YWHAE: variants seen among roughly 807,000 people sequenced by gnomAD.
YWHAE encodes the protein 14-3-3 protein epsilon.
Under a neutral mutation model 30.1 loss-of-function variants are expected in YWHAE, and 4 were observed. The ratio of observed to expected loss-of-function variants is 0.13; its 90% CI spans 0.07 to 0.30. YWHAE has a LOEUF of 0.30. Among genes scored for constraint, YWHAE ranks in the 10% least tolerant of loss-of-function variants. The probability of loss-of-function intolerance (pLI) is 1.00; values close to 1 mark genes in which losing one functional copy is unlikely to be tolerated. For missense variants in YWHAE, 121 were observed against 315.9 expected (o/e 0.38, Z 4.68); for synonymous variants, 118 against 111.8 (o/e 1.06, Z -0.35).
chr17:1,351,670 C>T (rs1403032741), intron 5 of YWHAE, among the ~76,000 whole-genome samples: 1 of 152,110 alleles, frequency 6.6e-6, no homozygotes, highest in African/African-American at 2.4e-5. Context: ...CTCGTTCAGT[C>T]ATCCAGGTTA....
At chr17:1,357,727 A>G (rs2150845881) in intron 4 of YWHAE, among the ~76,000 whole-genome samples, 1 of 152,008 alleles carries the variant, frequency 6.6e-6, no homozygotes, top group East Asian at 1.9e-4. Flanking sequence ...GGTGTCCAAG[A>G]CCAGCCTGGC....
At chr17:1,385,144 C>CAAAAA (rs56023639) in intron 1 of YWHAE, among the ~76,000 whole-genome samples, 1 of 86,808 alleles carries the variant, frequency 1.2e-5, no homozygotes, top group Admixed American at 1.4e-4. Context: ...GACTCTGTCT[C>CAAAAA]AAAAAAAAAA....
chr17:1,355,116 T>TAAA (rs869230957), intron 4 of YWHAE, among the ~76,000 whole-genome samples: 8 of 17,172 alleles, frequency 4.7e-4, no homozygotes, highest in East Asian at 1.4e-3. Context: ...CAAGATTTTT[T>TAAA]AAAAAAAAAA....
intron 1 of YWHAE, among the ~76,000 whole-genome samples, chr17:1,394,998 AC>A (rs1261263079): frequency 1.3e-5 from 2 of 151,792 alleles, no homozygotes; most frequent in African/African-American, 4.8e-5. Context: ...TGCAGCCTTT[AC>A]TCCATGCTTG....
intron 4 of YWHAE, among the ~76,000 whole-genome samples, chr17:1,356,216 A>ACACACACACACAC (rs1567959079): frequency 3.6e-5 from 5 of 138,580 alleles, no homozygotes; most frequent in Non-Finnish European, 7.7e-5. Flanking sequence ...ACACACACAC[A>ACACACACACACAC]AAATTAGCCG....
chr17:1,372,411 A>G (rs1048256274), intron 1 of YWHAE, among the ~76,000 whole-genome samples: 2 of 152,288 alleles, frequency 1.3e-5, no homozygotes, highest in Middle Eastern at 3.4e-3. Context: ...GCACTTTTTA[A>G]TCTCCTTGAA....
chr17:1,383,476 C>T (rs572796652), intron 1 of YWHAE, among the ~76,000 whole-genome samples: 1 of 150,488 alleles, frequency 6.6e-6, no homozygotes, highest in African/African-American at 2.4e-5. Context: ...CAACCTCTAC[C>T]TCCCGGGTTC....
intron 4 of YWHAE, among the ~76,000 whole-genome samples, chr17:1,355,139 AAAAAAAAAAT>A (rs2072716077): frequency 9.2e-6 from 1 of 108,624 alleles, no homozygotes; most frequent in Non-Finnish European, 1.9e-5. Flanking sequence ...AAAAAAAAAA[AAAAAAAAAAT>A]TTTTTTTTTT....
intron 1 of YWHAE, among the ~76,000 whole-genome samples, chr17:1,376,333 C>G (rs888358639): frequency 6.6e-6 from 1 of 150,704 alleles, no homozygotes; most frequent in African/African-American, 2.4e-5. Context: ...AGAACGAAGA[C>G]AGAAAGACAG....
At chr17:1,375,364 A>C (rs1178703098) in intron 1 of YWHAE, among the ~76,000 whole-genome samples, 1 of 152,130 alleles carries the variant, frequency 6.6e-6, no homozygotes, top group Non-Finnish European at 1.5e-5. Flanking sequence ...TATTCACATA[A>C]AGGCCCTCAA....
intron 2 of YWHAE, among the ~76,000 whole-genome samples, chr17:1,363,882 C>T (rs923820383): frequency 2.0e-5 from 3 of 151,886 alleles, no homozygotes; most frequent in Admixed American, 6.6e-5. Flanking sequence ...TACTCAACAG[C>T]AGCACTCCCG....
intron 1 of YWHAE, among the ~76,000 whole-genome samples, chr17:1,397,429 C>T (rs944419880): frequency 6.6e-6 from 1 of 152,182 alleles, no homozygotes; most frequent in African/African-American, 2.4e-5. Context: ...CACAGGTTAG[C>T]TCTTCCTCCC....
At chr17:1,367,420 T>C (rs922143622) in intron 1 of YWHAE, among the ~76,000 whole-genome samples, 3 of 152,110 alleles carry the variant, frequency 2.0e-5, no homozygotes, top group Admixed American at 6.6e-5. Flanking sequence ...CTGGGCAACA[T>C]GGTGAGACTC....
At chr17:1,349,835 C>T (rs1205410738) in intron 5 of YWHAE, among the ~76,000 whole-genome samples, 2 of 152,028 alleles carry the variant, frequency 1.3e-5, no homozygotes, top group African/African-American at 4.8e-5. Context: ...AGGATGGTCT[C>T]AATCTTCTGA....
At chr17:1,378,224 T>A (rs1013485286) in intron 1 of YWHAE, among the ~76,000 whole-genome samples, 5 of 152,222 alleles carry the variant, frequency 3.3e-5, no homozygotes, top group Non-Finnish European at 5.9e-5. Context: ...AGTCTTCAAT[T>A]GGATACTTCT....
chr17:1,387,093 G>C (rs1001447590), intron 1 of YWHAE, among the ~76,000 whole-genome samples: 1 of 152,180 alleles, frequency 6.6e-6, no homozygotes, highest in Non-Finnish European at 1.5e-5. Context: ...CTACAATTTT[G>C]ACTGCAAAAG....
At chr17:1,370,286 CCAG>C in intron 1 of YWHAE, among the ~76,000 whole-genome samples, 3 of 151,402 alleles carry the variant, frequency 2.0e-5, no homozygotes, top group Non-Finnish European at 2.9e-5. Context: ...GTCACCATGC[CCAG>C]TGAATTTTTT....
intron 5 of YWHAE, among the ~76,000 whole-genome samples, chr17:1,348,329 A>G (rs1401541222): frequency 1.3e-5 from 2 of 152,234 alleles, no homozygotes; most frequent in Admixed American, 6.5e-5. Context: ...ATGGATTCGT[A>G]TATGAAACAA....
rs776960456 is a variant in YWHAE at position 1,354,287 on chromosome 17, G to A, written c.639C>T (p.Ser213=). ...GCATGATAAGTGTAGAGTCCTTATAGCTTTCTTCACTCAGCGTATCCAGTT... is the reference window on the plus strand; with the variant it reads ...GCATGATAAGTGTAGAGTCCTTATAACTTTCTTCACTCAGCGTATCCAGTT... ...IAELDTLSEE[S]YKDSTLIMQL... is the part of the protein sequence containing the mutation. The change falls in exon 5 of 6, where the codon AGC becomes AGT. Residue 213 remains serine, a synonymous_variant. Transcript: ENST00000264335. The A allele has an allele frequency of 3.7e-6, 6 of 1,614,134 alleles. No homozygotes were observed. Among genetic ancestry groups the A allele is most frequent in the East Asian group, 2.2e-5 (1 of 44,888 alleles).
Sources: gnomAD v4.1 joint callset for allele counts (sites outside exome capture counted in the v4.1 genomes callset) on GRCh38, gnomAD v4.1.1 for gene constraint, MANE v1.5 for transcripts, NCBI Gene and HGNC (gene_info 2026-07-23, HGNC 2026-07-21) for gene names.